Variants in NAV3 observed in about 807,000 individuals in gnomAD.
NAV3 encodes the protein neuron navigator 3, also known as pore membrane and/or filament interacting like protein 1.
Under a neutral mutation model 244.7 loss-of-function variants are expected in NAV3, and 87 were observed. The observed-to-expected ratio is 0.36, with a 90% CI of 0.30 to 0.42. NAV3 has a LOEUF of 0.42. Among genes scored for constraint, NAV3 ranks in the 20% least tolerant of loss-of-function variants. NAV3 has a pLI of 1.00. For missense variants in NAV3, 2,663 were observed against 2,893.3 expected (o/e 0.92, Z 1.83); for synonymous variants, 1,126 against 1,042.2 (o/e 1.08, Z -1.55).
At chr12:77,949,687 T>C (rs956182128) in intron 3 of NAV3, among the ~76,000 whole-genome samples, 5 of 151,984 alleles carry the variant, frequency 3.3e-5, no homozygotes, top group Non-Finnish European at 5.9e-5. Flanking sequence ...TTAATAAACA[T>C]ATATTGAAAC....
chr12:77,720,614 C>A (rs967458121), intron 2 of NAV3, among the ~76,000 whole-genome samples: 1 of 152,120 alleles, frequency 6.6e-6, no homozygotes, highest in African/African-American at 2.4e-5. Context: ...GCAGCATCCT[C>A]AAAAACCAGA....
chr12:78,121,875 C>T (rs964130468), intron 15 of NAV3, 65 bp from the exon 16 acceptor site: 51 of 1,581,056 alleles, frequency 3.2e-5, no homozygotes, highest in Middle Eastern at 1.8e-4. Context: ...TACTGTAACC[C>T]GAAATATTAA....
intron 2 of NAV3, among the ~76,000 whole-genome samples, chr12:77,597,665 A>G (rs981610473): frequency 2.6e-5 from 4 of 152,066 alleles, no homozygotes; most frequent in African/African-American, 7.2e-5. Context: ...ATGAAAATGC[A>G]TGCTTTCTGA....
At chr12:78,127,107 A>G in intron 16 of NAV3, 60 bp from the exon 17 acceptor site, 1 of 1,539,454 alleles carries the variant, frequency 6.5e-7, no homozygotes, top group Non-Finnish European at 8.9e-7. Flanking sequence ...TTTTTGTTGG[A>G]TGTGTAATTT....
chr12:78,161,848 G>A (rs115340629), intron 23 of NAV3, among the ~76,000 whole-genome samples: 228 of 152,066 alleles, frequency 1.5e-3, no homozygotes, highest in African/African-American at 5.2e-3. Flanking sequence ...AATGTGAAAT[G>A]GTATAATTCA....
chr12:77,772,741 G>A (rs79637785), intron 2 of NAV3, among the ~76,000 whole-genome samples: 3,813 of 152,138 alleles, frequency 0.025, 176 homozygotes, highest in African/African-American at 0.087. Flanking sequence ...TTGATGGCTC[G>A]AGCAGTTGGA....
chr12:77,725,879 C>G (rs746068894), intron 2 of NAV3, among the ~76,000 whole-genome samples: 1 of 151,898 alleles, frequency 6.6e-6, no homozygotes, highest in Non-Finnish European at 1.5e-5. Context: ...TAAAGGCTGC[C>G]CTGTCTCTTG....
chr12:77,927,584 T>G (rs1028550566), intron 1 of NAV3, among the ~76,000 whole-genome samples: 1 of 152,224 alleles, frequency 6.6e-6, no homozygotes, highest in African/African-American at 2.4e-5. Context: ...TTTAAAATAG[T>G]GCTTACTCTC....
intron 3 of NAV3, among the ~76,000 whole-genome samples, chr12:77,956,459 A>C (rs1400727095): frequency 6.6e-6 from 1 of 152,154 alleles, no homozygotes; most frequent in Non-Finnish European, 1.5e-5. Flanking sequence ...TTTCTTATGG[A>C]GAGAGAAATA....
chr12:77,679,162 C>T (rs971628981), intron 2 of NAV3, among the ~76,000 whole-genome samples: 10 of 152,004 alleles, frequency 6.6e-5, no homozygotes, highest in African/African-American at 2.4e-4. Flanking sequence ...CGATTCAGGA[C>T]TTTATATTAA....
intron 1 of NAV3, among the ~76,000 whole-genome samples, chr12:77,890,520 A>G (rs947016771): frequency 6.6e-6 from 1 of 152,190 alleles, no homozygotes; most frequent in African/African-American, 2.4e-5. Flanking sequence ...TGATAAATAC[A>G]ATATTTATAT....
chr12:78,072,077 A>G (rs1952800104), intron 12 of NAV3, among the ~76,000 whole-genome samples: 1 of 152,158 alleles, frequency 6.6e-6, no homozygotes, highest in East Asian at 1.9e-4. Flanking sequence ...CCCACAAGAG[A>G]AAGCAGAAAA....
chr12:78,058,868 T>TA (rs1174464207), intron 11 of NAV3, 128 bp from the exon 12 acceptor site: 1 of 746,154 alleles, frequency 1.3e-6, no homozygotes, highest in Non-Finnish European at 1.9e-6. Flanking sequence ...TTATACAGAA[T>TA]AAAAAACAAG....
chr12:77,734,263 C>T (rs1367549404), intron 2 of NAV3, among the ~76,000 whole-genome samples: 1 of 149,520 alleles, frequency 6.7e-6, no homozygotes, highest in Non-Finnish European at 1.5e-5. Context: ...CCAGTCATTT[C>T]TTTTTTTTTT....
chr12:78,118,371 T>G, intron 14 of NAV3, 74 bp downstream of exon 14: 1 of 1,496,588 alleles, frequency 6.7e-7, no homozygotes, highest in Non-Finnish European at 9.0e-7. Flanking sequence ...TTGTTTTCTC[T>G]AACAATAGCA....
intron 2 of NAV3, among the ~76,000 whole-genome samples, chr12:77,757,976 C>G (rs1026537675): frequency 2.6e-5 from 4 of 152,180 alleles, no homozygotes; most frequent in African/African-American, 9.6e-5. Flanking sequence ...AGTGATCTGA[C>G]CCCGTGACTC....
At chr12:78,133,436 G>T (rs1027639163) in intron 18 of NAV3, among the ~76,000 whole-genome samples, 4 of 150,658 alleles carry the variant, frequency 2.7e-5, no homozygotes, top group African/African-American at 4.9e-5. Flanking sequence ...ATGTCCTCTT[G>T]TTGTCTTTTA....
chr12:77,791,113 T>C (rs1871156009), intron 2 of NAV3, among the ~76,000 whole-genome samples: 1 of 152,116 alleles, frequency 6.6e-6, no homozygotes, highest in African/African-American at 2.4e-5. Context: ...CCCAGCACTT[T>C]GGGAGGCCAA....
At chr12:77,880,944 TTA>T (rs1882559746) in intron 1 of NAV3, among the ~76,000 whole-genome samples, 1 of 148,322 alleles carries the variant, frequency 6.7e-6, no homozygotes, top group African/African-American at 2.5e-5. Context: ...TGCTTTATCT[TTA>T]TATTTCATTT....
Sources: gnomAD v4.1 joint callset for allele counts (sites outside exome capture counted in the v4.1 genomes callset) on GRCh38, gnomAD v4.1.1 for gene constraint, MANE v1.5 for transcripts, NCBI Gene and HGNC (gene_info 2026-07-23, HGNC 2026-07-21) for gene names.